The following GAS7 variants were observed in gnomAD, a reference collection of about 807,000 sequenced individuals.
GAS7 encodes growth arrest-specific protein 7.
Under a neutral mutation model 71.1 loss-of-function variants are expected in GAS7, and 28 were observed. That is an observed-to-expected ratio of 0.39 (90% CI 0.29 to 0.54). The LOEUF (loss-of-function observed/expected upper bound fraction) is 0.54, where lower values mean the gene tolerates loss of function less well. GAS7 is among the 20% of genes least tolerant of loss of function. GAS7 has a pLI of 0.62. For missense variants in GAS7, 436 were observed against 627.8 expected, an observed-to-expected ratio of 0.69 and a Z score of 3.27; for synonymous variants, 258 against 245.8, an observed-to-expected ratio of 1.05 and a Z score of -0.46.
intron 1 of GAS7, among the ~76,000 whole-genome samples, chr17:10,029,288 AC>A (rs2072550365): frequency 6.6e-6 from 1 of 152,194 alleles, no homozygotes; most frequent in Non-Finnish European, 1.5e-5. Flanking sequence ...AGGGAAGGCA[AC>A]AGAAACATAT....
At chr17:10,144,895 T>A (rs1278389931) in intron 1 of GAS7, among the ~76,000 whole-genome samples, 1 of 152,198 alleles carries the variant, frequency 6.6e-6, no homozygotes. Context: ...TTGAGCTAGG[T>A]AAGAACTGCA....
At chr17:9,947,600 TG>T (rs1209355222) in intron 5 of GAS7, among the ~76,000 whole-genome samples, 5 of 151,762 alleles carry the variant, frequency 3.3e-5, no homozygotes, top group Non-Finnish European at 7.4e-5. Context: ...CAAAATTAGC[TG>T]GGCGTAGTGG....
At chr17:10,012,816 A>G (rs1597685936) in intron 2 of GAS7, among the ~76,000 whole-genome samples, 1 of 151,808 alleles carries the variant, frequency 6.6e-6, no homozygotes, top group African/African-American at 2.4e-5. Context: ...TAAAAGAGAA[A>G]CCCAGGCAGG....
At position 10,091,490 on chromosome 17, in the gene GAS7, C is replaced by T. The variant is rs376018979; in HGVS notation, c.184-71593G>A. Among the ~76,000 whole-genome samples the T allele has an allele frequency of 7.2e-5, 11 of 152,110 alleles. No homozygotes were observed. In the East Asian group the frequency reaches 1.5e-3, roughly 21 times the overall value. ...GCAACCTCCGCCTCCCAGGTTAAAG[C>T]GATTCTCTTGCCTCAGCCTCCCGAG... On this transcript the variant is annotated intron_variant, in intron 1 of 13. Transcript: ENST00000432992.
At chr17:10,138,116 C>T (rs1261057153) in intron 1 of GAS7, among the ~76,000 whole-genome samples, 1 of 152,008 alleles carries the variant, frequency 6.6e-6, no homozygotes, top group Non-Finnish European at 1.5e-5. Flanking sequence ...GCGCCCACCA[C>T]AGCGCCCAGC....
intron 1 of GAS7, among the ~76,000 whole-genome samples, chr17:10,033,608 G>GC (rs1224139455): frequency 6.6e-6 from 1 of 152,216 alleles, no homozygotes; most frequent in African/African-American, 2.4e-5. Flanking sequence ...AAGCGACACA[G>GC]CTGCTGCCCG....
At chr17:10,161,878 C>T (rs890317111) in intron 1 of GAS7, among the ~76,000 whole-genome samples, 1 of 151,956 alleles carries the variant, frequency 6.6e-6, no homozygotes, top group Non-Finnish European at 1.5e-5. Context: ...TCCTGGTTAA[C>T]GCGGTGAAAC....
At chr17:10,149,797 C>T (rs1042018681) in intron 1 of GAS7, among the ~76,000 whole-genome samples, 22 of 152,180 alleles carry the variant, frequency 1.4e-4, no homozygotes, top group African/African-American at 5.1e-4. Context: ...TGTTACAATA[C>T]AGATAAACCT....
At chr17:10,041,174 A>AAGAAGAAG (rs1555528020) in intron 1 of GAS7, among the ~76,000 whole-genome samples, 6 of 151,134 alleles carry the variant, frequency 4.0e-5, no homozygotes, top group African/African-American at 1.2e-4. Flanking sequence ...AAAAAAAAAA[A>AAGAAGAAG]AAGAAGAAGG....
chr17:10,008,928 C>T (rs2071644167), intron 2 of GAS7, among the ~76,000 whole-genome samples: 1 of 152,170 alleles, frequency 6.6e-6, no homozygotes, highest in East Asian at 1.9e-4. Flanking sequence ...ACAGAACCTT[C>T]TCAGAGGAAC....
intron 1 of GAS7, among the ~76,000 whole-genome samples, chr17:10,024,637 C>T (rs995203809): frequency 6.6e-6 from 1 of 152,194 alleles, no homozygotes; most frequent in Non-Finnish European, 1.5e-5. Context: ...GGGACCATCC[C>T]TTGGCCAGAT....
In GAS7 at chr17:10,094,557, C is replaced by T. The variant is rs536305193; in HGVS notation, c.184-74660G>A. Among the ~76,000 whole-genome samples the T allele has an allele frequency of 1.8e-4, 27 of 152,134 alleles. 1 individual carries two copies. Among genetic ancestry groups the T allele is most frequent in the Middle Eastern group, 6.8e-3 (2 of 294 alleles). Reference sequence around the variant, plus strand: ...GATCTCGGCTCACTGCAACCTCCGCCTCCTGGATTCAAGCAATTCTCCTGC... The same window carrying T: ...GATCTCGGCTCACTGCAACCTCCGCTTCCTGGATTCAAGCAATTCTCCTGC... On this transcript the variant is annotated intron_variant, in intron 1 of 13. Coordinates refer to ENST00000432992, the MANE Select transcript of GAS7 (RefSeq NM_201433.2).
chr17:10,102,470 G>A (rs2073712479), intron 1 of GAS7, among the ~76,000 whole-genome samples: 1 of 152,092 alleles, frequency 6.6e-6, no homozygotes, highest in Admixed American at 6.6e-5. Flanking sequence ...GTGGGACTAC[G>A]CAAGGTTGGG....
intron 5 of GAS7, among the ~76,000 whole-genome samples, chr17:9,951,052 C>T (rs2068986245): frequency 6.6e-6 from 1 of 152,150 alleles, no homozygotes; most frequent in Non-Finnish European, 1.5e-5. Context: ...GGGCCGAGTC[C>T]CCAAGGTGTG....
chr17:9,971,063 A>T (rs566657090), intron 3 of GAS7, among the ~76,000 whole-genome samples: 1 of 152,276 alleles, frequency 6.6e-6, no homozygotes, highest in Non-Finnish European at 1.5e-5. Flanking sequence ...CGATAATAGC[A>T]AAAGTTATAA....
At position 9,919,442 on chromosome 17, in the gene GAS7, G is replaced by A. The variant is rs574756201; in HGVS notation, c.1218+184C>T. Reference sequence around the variant, plus strand: ...CACATCCACACAGCTAGGAAGCGCTGGAGCAGAGATCTGAATCCACATAAG... The same window carrying A: ...CACATCCACACAGCTAGGAAGCGCTAGAGCAGAGATCTGAATCCACATAAG... On this transcript the variant is annotated intron_variant, in intron 12 of 13. Coordinates refer to ENST00000432992, the MANE Select transcript of GAS7 (RefSeq NM_201433.2). The surrounding 1 kb of genome is among the most constrained non-coding windows in gnomAD (Gnocchi z 5.0). Among the ~76,000 whole-genome samples, 5 of 152,226 alleles carry A rather than the reference G, an allele frequency of 3.3e-5. No individual in the cohort carries two copies. The highest frequency in any genetic ancestry group is 1.2e-4 in the African/African-American group (5 of 41,526).
intron 1 of GAS7, among the ~76,000 whole-genome samples, chr17:10,089,995 C>T (rs1161981534): frequency 6.6e-6 from 1 of 152,106 alleles, no homozygotes; most frequent in Non-Finnish European, 1.5e-5. Flanking sequence ...TGGTGAAACC[C>T]TGCCTCTACT....
intron 1 of GAS7, among the ~76,000 whole-genome samples, chr17:10,077,015 C>T (rs1253685157): frequency 6.6e-6 from 1 of 152,232 alleles, no homozygotes; most frequent in Non-Finnish European, 1.5e-5. Flanking sequence ...GTTTATCACT[C>T]TATCTAAAAA....
At chr17:10,140,118 T>C (rs2074068535) in intron 1 of GAS7, among the ~76,000 whole-genome samples, 1 of 152,288 alleles carries the variant, frequency 6.6e-6, no homozygotes, top group African/African-American at 2.4e-5. Context: ...CAGAGACTAC[T>C]TAGCCAGCCC....
Sources: allele counts gnomAD v4.1 joint callset (sites outside exome capture counted in the v4.1 genomes callset), GRCh38; gene constraint gnomAD v4.1.1; non-coding constraint Gnocchi (gnomAD v3.1); transcripts MANE v1.5; gene names NCBI Gene and HGNC (gene_info 2026-07-23, HGNC 2026-07-21).